KIAA0319L: variants seen among roughly 807,000 people sequenced by gnomAD.
The protein encoded by KIAA0319L is dyslexia-associated protein KIAA0319-like protein.
A neutral mutation model predicts 120.1 loss-of-function variants in KIAA0319L; 55 were observed. The ratio of observed to expected loss-of-function variants is 0.46; its 90% CI spans 0.37 to 0.57. The LOEUF (loss-of-function observed/expected upper bound fraction) is 0.57. Ranked by LOEUF, KIAA0319L falls within the 20% of genes least tolerant of loss-of-function variation. The pLI is 0.00. For missense variants in KIAA0319L, 1,049 were observed against 1,255.3 expected, an observed-to-expected ratio of 0.84 and a Z score of 2.48; for synonymous variants, 398 against 471.9, an observed-to-expected ratio of 0.84 and a Z score of 2.03.
chr1:35,529,338 A>G (rs1244409688), intron 2 of KIAA0319L, among the ~76,000 whole-genome samples: 1 of 152,012 alleles, frequency 6.6e-6, no homozygotes, highest in East Asian at 1.9e-4. Context: ...TCTTATTGTT[A>G]TGGTTTGATG....
chr1:35,448,319 G>C lies in KIAA0319L; in HGVS notation c.2367C>G (p.Asn789Lys). Reference protein sequence around the residue: ...TVEVKPDPRKNNLVEIILDIN... With the variant: ...TVEVKPDPRKKNLVEIILDIN... ...TATCCAAGATGATCTCCACCAGGTT[G>C]TTTTTCCTGGGATCTGGAAAGCATG... is the stretch of plus-strand genomic sequence containing the variant. The change falls in exon 16 of 21, where the codon AAC becomes AAG. Residue 789 changes from asparagine (N) to lysine (K), a missense_variant. Asn to Lys is a moderately conservative substitution (Grantham distance 94). Transcript: ENST00000325722. 6.2e-7 allele frequency: 1 copy of C among 1,613,862 alleles called. No homozygotes were observed. The highest frequency in any genetic ancestry group is 8.5e-7 in the Non-Finnish European group (1 of 1,179,812).
At chr1:35,528,990 T>C (rs1570965178) in intron 2 of KIAA0319L, among the ~76,000 whole-genome samples, 1 of 152,250 alleles carries the variant, frequency 6.6e-6, no homozygotes, top group African/African-American at 2.4e-5. Context: ...TCTATAGTTA[T>C]CTTTACAAGT....
At chr1:35,449,178 A>C (rs1641862636) in intron 15 of KIAA0319L, among the ~76,000 whole-genome samples, 1 of 152,208 alleles carries the variant, frequency 6.6e-6, no homozygotes, top group Admixed American at 6.5e-5. Flanking sequence ...CTTCCTGTCC[A>C]AAACATCCAT....
intron 10 of KIAA0319L, among the ~76,000 whole-genome samples, chr1:35,455,120 T>C (rs1469649888): frequency 1.3e-5 from 2 of 152,228 alleles, no homozygotes; most frequent in African/African-American, 4.8e-5. Context: ...TGTAGAGCAG[T>C]AGGCAAAAAC....
At chr1:35,532,077 AT>A (rs774841767) in intron 2 of KIAA0319L, among the ~76,000 whole-genome samples, 2 of 152,114 alleles carry the variant, frequency 1.3e-5, no homozygotes, top group Non-Finnish European at 2.9e-5. Flanking sequence ...CCTGGCCAAC[AT>A]GGTGAAACCC....
intron 2 of KIAA0319L, among the ~76,000 whole-genome samples, chr1:35,540,295 T>G (rs527747811): frequency 6.6e-6 from 1 of 152,230 alleles, no homozygotes; most frequent in Non-Finnish European, 1.5e-5. Flanking sequence ...TTTTATAGTT[T>G]CCTTTTGTGA....
intron 13 of KIAA0319L, 94 bp downstream of exon 13, chr1:35,451,534 C>T: frequency 7.9e-7 from 1 of 1,273,722 alleles, no homozygotes; most frequent in Non-Finnish European, 1.1e-6. Flanking sequence ...CTCTTGCTAT[C>T]TCTAATCAAT....
chr1:35,446,693 T>C (rs1209864440), intron 16 of KIAA0319L, among the ~76,000 whole-genome samples: 2 of 152,222 alleles, frequency 1.3e-5, no homozygotes, highest in Non-Finnish European at 2.9e-5. Context: ...TCCCACCTGA[T>C]TGCTGTTTCT....
intron 2 of KIAA0319L, among the ~76,000 whole-genome samples, chr1:35,525,399 T>C (rs550201493): frequency 7.9e-5 from 12 of 152,298 alleles, no homozygotes; most frequent in South Asian, 2.1e-4. Context: ...AGTAGTTCTA[T>C]CTTTAGTTTG....
intron 3 of KIAA0319L, among the ~76,000 whole-genome samples, chr1:35,483,277 C>T (rs1379095518): frequency 2.6e-5 from 4 of 152,134 alleles, no homozygotes; most frequent in African/African-American, 9.7e-5. Context: ...GTTTCTTTTA[C>T]AGTTCATGCT....
At chr1:35,496,885 T>C (rs1644825182) in intron 3 of KIAA0319L, among the ~76,000 whole-genome samples, 1 of 138,936 alleles carries the variant, frequency 7.2e-6, no homozygotes, top group African/African-American at 2.7e-5. Flanking sequence ...AGGTCGAGGC[T>C]GCGGAGAGCA....
At chr1:35,447,151 G>A (rs1014552603) in intron 16 of KIAA0319L, among the ~76,000 whole-genome samples, 4 of 149,884 alleles carry the variant, frequency 2.7e-5, no homozygotes, top group African/African-American at 9.8e-5. Flanking sequence ...CCTTTTCACT[G>A]GACTAGTCCA....
chr1:35,521,689 T>C (rs957247811), intron 2 of KIAA0319L, among the ~76,000 whole-genome samples: 8 of 141,936 alleles, frequency 5.6e-5, no homozygotes, highest in African/African-American at 2.1e-4. Flanking sequence ...AATAAATAAG[T>C]AGGCCGAGAG....
chr1:35,471,864 C>T (rs983226539), intron 5 of KIAA0319L, among the ~76,000 whole-genome samples: 7 of 152,130 alleles, frequency 4.6e-5, no homozygotes, highest in African/African-American at 1.4e-4. Context: ...CATCTGAAGA[C>T]CAATTTTATT....
intron 2 of KIAA0319L, among the ~76,000 whole-genome samples, chr1:35,526,348 T>C (rs1646129878): frequency 7.3e-6 from 1 of 136,822 alleles, no homozygotes; most frequent in Middle Eastern, 3.8e-3. Context: ...TATATGTACG[T>C]GTGTGTGTGT....
At chr1:35,461,317 T>C (rs1378891229) in intron 8 of KIAA0319L, among the ~76,000 whole-genome samples, 2 of 152,056 alleles carry the variant, frequency 1.3e-5, no homozygotes, top group Admixed American at 6.6e-5. Context: ...AAATACAAAA[T>C]TAGCCAGGCT....
At chr1:35,457,969 T>C (rs1476587874) in intron 9 of KIAA0319L, among the ~76,000 whole-genome samples, 1 of 152,234 alleles carries the variant, frequency 6.6e-6, no homozygotes. Context: ...GGAGTCTCGC[T>C]CTGTCGCCCA....
At chr1:35,489,913 C>T (rs1217746608) in intron 3 of KIAA0319L, among the ~76,000 whole-genome samples, 1 of 151,700 alleles carries the variant, frequency 6.6e-6, no homozygotes, top group Non-Finnish European at 1.5e-5. Flanking sequence ...GTGATCTGCC[C>T]GCCTCAGCCT....
chr1:35,512,865 C>CA (rs1407520089), intron 2 of KIAA0319L, among the ~76,000 whole-genome samples: 1 of 123,848 alleles, frequency 8.1e-6, no homozygotes, highest in Non-Finnish European at 1.6e-5. Flanking sequence ...GGACGAGACT[C>CA]CATCTCAAAA....
Sources: gnomAD v4.1 joint callset for allele counts (sites outside exome capture counted in the v4.1 genomes callset) on GRCh38, gnomAD v4.1.1 for gene constraint, MANE v1.5 for transcripts, NCBI Gene and HGNC (gene_info 2026-07-23, HGNC 2026-07-21) for gene names.